STARD3: variants seen among roughly 807,000 people sequenced by gnomAD.
STARD3 encodes stAR-related lipid transfer protein 3.
A neutral mutation model predicts 62.0 loss-of-function variants in STARD3; 39 were observed. The observed-to-expected ratio is 0.63, with a 90% CI of 0.49 to 0.82. The LOEUF (loss-of-function observed/expected upper bound fraction) is 0.82, where lower values mean the gene tolerates loss of function less well. Among genes scored for constraint, STARD3 ranks in the 40% least tolerant of loss-of-function variants. The pLI, the probability that STARD3 is intolerant of heterozygous loss-of-function variation, is 0.00. For synonymous variants in STARD3, 229 were observed against 242.4 expected, an observed-to-expected ratio of 0.94 and a Z score of 0.51; for missense variants, 543 against 584.5, an observed-to-expected ratio of 0.93 and a Z score of 0.73.
chr17:39,658,233 T>G lies in STARD3; in HGVS notation c.430-172T>G, dbSNP rs1359692862. 3.6e-6 allele frequency: 3 copies of G among 832,988 alleles called. No individual in the cohort carries two copies. In the Admixed American group the frequency reaches 6.9e-5, roughly 19 times the overall value. The allele number at this position is 832,988 out of a possible 1,614,324, so 51.6% of individuals were successfully genotyped here. A position where few individuals can be genotyped will look rare whatever the true frequency, so the allele number is the denominator to read the frequency against. On this transcript the variant is annotated intron_variant, in intron 5 of 14. Coordinates refer to ENST00000336308, the MANE Select transcript of STARD3 (RefSeq NM_006804.4). The stretch of plus-strand genomic sequence containing the variant: ...TGCAGCTCTAGGAATCAGAAGGTTC[T>G]TTCTCCAGCCTAACCCCAGTTTATC...
intron 14 of STARD3, 190 bp from the exon 15 acceptor site, chr17:39,662,614 G>A (rs1444158362): frequency 1.6e-6 from 1 of 643,094 alleles, no homozygotes; most frequent in Non-Finnish European, 2.6e-6. Context: ...TGGTCTGTTT[G>A]TGTTGCTGGT....
rs553837917 is a variant in STARD3, at chr17:39,660,643, A to G, written c.954+117A>G. On this transcript the variant is annotated intron_variant, in intron 11 of 14. Coordinates refer to ENST00000336308, the MANE Select transcript of STARD3 (RefSeq NM_006804.4). The surrounding 1 kb of genome is among the most constrained non-coding windows in gnomAD (Gnocchi z 4.8). Reference sequence around the variant, plus strand: ...CATCTGTACAGTGGGTGTGATGGTAACAGTGCCTGCTCGGGAGGGTCGGGA... The same window carrying G: ...CATCTGTACAGTGGGTGTGATGGTAGCAGTGCCTGCTCGGGAGGGTCGGGA... The G allele has an allele frequency of 2.9e-6, 4 of 1,379,752 alleles. No homozygotes were observed. In the African/African-American group the frequency reaches 4.3e-5, roughly 15 times the overall value. The allele number at this position is 1,379,752 out of a possible 1,614,324, so 85.5% of individuals were successfully genotyped here. A position where few individuals can be genotyped will look rare whatever the true frequency, so the allele number is the denominator to read the frequency against.
intron 1 of STARD3, 125 bp downstream of exon 1, chr17:39,637,356 TCA>T (rs1567851873): frequency 2.0e-5 from 3 of 152,334 alleles, no homozygotes; most frequent in Non-Finnish European, 4.4e-5. Context: ...CCGCTGCGTC[TCA>T]GGTTCCGCCC....
At chr17:39,659,186 G>A in intron 8 of STARD3, 80 bp downstream of exon 8, 1 of 1,573,180 alleles carries the variant, frequency 6.4e-7, no homozygotes, top group Non-Finnish European at 8.7e-7. Context: ...AGCCGGGGTG[G>A]GCAGGGGTTT....
chr17:39,653,147 G>T, intron 1 of STARD3: 1 of 280,848 alleles, frequency 3.6e-6, no homozygotes, highest in Non-Finnish European at 6.8e-6. Context: ...CTGGAGCTCA[G>T]GGCTAGGCCT....
chr17:39,662,576 G>A, intron 14 of STARD3: 1 of 627,128 alleles, frequency 1.6e-6, no homozygotes, highest in South Asian at 2.0e-5. Flanking sequence ...CTGAGGAAGG[G>A]TGGCTGGTGG....
At chr17:39,659,591 T>C (rs1417104462) in intron 9 of STARD3, 38 bp downstream of exon 9, 2 of 1,600,320 alleles carry the variant, frequency 1.2e-6, no homozygotes, top group Non-Finnish European at 1.7e-6. Context: ...CCCATGCGTG[T>C]TAGGAGTTTC....
At chr17:39,656,231 C>T (rs534502251) in intron 2 of STARD3, among the ~76,000 whole-genome samples, 1 of 152,292 alleles carries the variant, frequency 6.6e-6, no homozygotes, top group African/African-American at 2.4e-5. Context: ...GTCTTCCTCT[C>T]CAGGGCTCCT....
intron 2 of STARD3, among the ~76,000 whole-genome samples, chr17:39,655,894 C>T (rs1040294426): frequency 6.6e-6 from 1 of 151,738 alleles, no homozygotes; most frequent in South Asian, 2.1e-4. Flanking sequence ...GGTGCCCAGG[C>T]TGGAAAGAGG....
intron 13 of STARD3, among the ~76,000 whole-genome samples, chr17:39,661,598 C>T (rs2145049880): frequency 6.6e-6 from 1 of 152,280 alleles, no homozygotes; most frequent in East Asian, 1.9e-4. Flanking sequence ...CCCTTTTGTC[C>T]AGTCAGGCTG....
Position 39,653,681 on chromosome 17 carries a change from C to T in STARD3, c.150C>T (p.Arg50=). 1 of 1,614,206 alleles carries T rather than the reference C, an allele frequency of 6.2e-7. No individual in the cohort carries two copies. The highest frequency in any genetic ancestry group is 8.5e-7 in the Non-Finnish European group (1 of 1,180,034). ...AGCGAAGGGCCATCTCTGATGTCCG[C>T]CGCACCTTCTGTCTCTTCGTCACCT... ...PEKRRAISDV[R]RTFCLFVTFD... Residue 50 remains arginine, a synonymous_variant, in exon 2 of 15, where the codon CGC becomes CGT. Coordinates refer to ENST00000336308, the MANE Select transcript of STARD3 (RefSeq NM_006804.4).
At chr17:39,642,525 C>T (rs2056990755) in intron 1 of STARD3, among the ~76,000 whole-genome samples, 1 of 152,134 alleles carries the variant, frequency 6.6e-6, no homozygotes, top group Admixed American at 6.5e-5. Flanking sequence ...AATGGCCGTT[C>T]AGTGCATTTC....
rs1046272726 is a variant in STARD3 at position 39,653,738 on chromosome 17, C to G, written c.207C>G (p.Ile69Met). ...FDLLFISLLW[I>M]IELNTNTGIR... ...TGCTCTTCATCTCCCTGCTCTGGAT[C>G]ATCGAACTGAATGTGAGTGGGGGCG... The change falls in exon 2 of 15, where the codon ATC becomes ATG. Residue 69 changes from isoleucine to methionine, a missense_variant. Coordinates refer to ENST00000336308, the MANE Select transcript of STARD3 (RefSeq NM_006804.4). The G allele has an allele frequency of 6.2e-7, 1 of 1,613,962 alleles. No homozygotes were observed. Among genetic ancestry groups the G allele is most frequent in the Non-Finnish European group, 8.5e-7 (1 of 1,180,028 alleles).
chr17:39,656,433 G>C (rs908608964), intron 2 of STARD3, among the ~76,000 whole-genome samples: 1 of 152,200 alleles, frequency 6.6e-6, no homozygotes, highest in East Asian at 1.9e-4. Context: ...TGGTGAAAAT[G>C]TCTGGTGGGC....
rs1340207447 is a variant in STARD3, at chr17:39,660,605, G to C, written c.954+79G>C. 6.7e-7 allele frequency: 1 copy of C among 1,494,148 alleles called. No homozygotes were observed. The highest frequency in any genetic ancestry group is 1.1e-5 in the South Asian group (1 of 88,070). The allele number at this position is 1,494,148 out of a possible 1,614,324, so 92.6% of individuals were successfully genotyped here. On this transcript the variant is annotated intron_variant, in intron 11 of 14. Transcript: ENST00000336308. This position sits in a 1 kb window ranked among gnomAD's most constrained non-coding sequence, Gnocchi z 4.8. ...CAGTGGGATCACTGAAGCACTCAGC[G>C]CCTCAGCTGCCCCATCTGTACAGTG...
At position 39,660,458 on chromosome 17, in the gene STARD3, G is replaced by A. The variant is rs200494007; in HGVS notation, c.886G>A (p.Val296Met). The change falls in exon 11 of 15, where the codon GTG becomes ATG. Residue 296 changes from valine to methionine, a missense_variant. Coordinates refer to ENST00000336308, the MANE Select transcript of STARD3 (RefSeq NM_006804.4). The surrounding 1 kb of genome is among the most constrained non-coding windows in gnomAD (Gnocchi z 4.8). ...CTTCCTGCCCTGTCCTGCGGAGCTC[G>A]TGTACCAGGAGGTGATCCTGCAGCC... ...KTFLPCPAEL[V>M]YQEVILQPER... 9 of 1,613,832 alleles carry A rather than the reference G, an allele frequency of 5.6e-6. No individual in the cohort carries two copies. The highest frequency in any genetic ancestry group is 3.3e-5 in the Admixed American group (2 of 60,014).
At chr17:39,653,217 C>G (rs1407461698) in intron 1 of STARD3, 1 of 455,394 alleles carries the variant, frequency 2.2e-6, no homozygotes. Flanking sequence ...TGCAGAGGGA[C>G]CCCAGAGCCC....
At position 39,637,186 on chromosome 17, in the gene STARD3, T is replaced by G. The variant is rs2056936764; in HGVS notation, c.-97T>G. ...CGCTACTGAGGCCGCGGAGCCGGAC[T>G]GCGGTTGGGGCGGGAAGAGCCGGGG... On this transcript the variant is annotated 5_prime_UTR_variant, in exon 1 of 15. Coordinates refer to ENST00000336308, the MANE Select transcript of STARD3 (RefSeq NM_006804.4). 6.6e-6 allele frequency: 1 copy of G among 152,220 alleles called. No individual in the cohort carries two copies. Among genetic ancestry groups the G allele is most frequent in the Admixed American group, 6.5e-5 (1 of 15,276 alleles). 9.4% of individuals were successfully genotyped at this position (152,220 alleles called of 1,614,324 possible). A position where few individuals can be genotyped will look rare whatever the true frequency, so the allele number is the denominator to read the frequency against.
At chr17:39,659,656 C>A in intron 9 of STARD3, 103 bp downstream of exon 9, 1 of 1,232,864 alleles carries the variant, frequency 8.1e-7, no homozygotes, top group Non-Finnish European at 1.2e-6. Flanking sequence ...GGGTTGGAGC[C>A]ATATTCCTGC....
Sources: gnomAD v4.1 joint callset for allele counts (sites outside exome capture counted in the v4.1 genomes callset) on GRCh38, gnomAD v4.1.1 for gene constraint, Gnocchi (gnomAD v3.1) non-coding constraint, MANE v1.5 for transcripts, NCBI Gene and HGNC (gene_info 2026-07-23, HGNC 2026-07-21) for gene names.